The following PPP1R21 variants were observed in gnomAD, a reference collection of about 807,000 sequenced individuals.
PPP1R21 encodes KLRAQ motif containing 1.
A neutral mutation model predicts 112.8 loss-of-function variants in PPP1R21; 85 were observed. The ratio of observed to expected loss-of-function variants is 0.75; its 90% CI spans 0.63 to 0.90. The LOEUF (loss-of-function observed/expected upper bound fraction) is 0.90. Ranked by LOEUF, PPP1R21 falls within the 40% of genes least tolerant of loss-of-function variation. The pLI, the probability that PPP1R21 is intolerant of heterozygous loss-of-function variation, is 0.00. For missense variants in PPP1R21, 1,199 were observed against 901.5 expected (o/e 1.33, Z -4.23); for synonymous variants, 381 against 322.3 (o/e 1.18, Z -1.95).
intron 12 of PPP1R21, chr2:48,479,575 T>C (rs1210471603): frequency 8.0e-6 from 4 of 499,746 alleles, no homozygotes; most frequent in Non-Finnish European, 1.6e-5. Context: ...GTTTTAGCGA[T>C]GTTCAGCAAA....
At chr2:48,445,329 T>C (rs903690796) in intron 1 of PPP1R21, among the ~76,000 whole-genome samples, 1 of 152,230 alleles carries the variant, frequency 6.6e-6, no homozygotes, top group Admixed American at 6.5e-5. Context: ...GTAGCTAGTG[T>C]GTGACTGAGG....
intron 4 of PPP1R21, among the ~76,000 whole-genome samples, chr2:48,458,684 CATGT>C (rs1275605199): frequency 2.7e-5 from 4 of 150,742 alleles, no homozygotes; most frequent in Admixed American, 1.3e-4. Context: ...GGGTATGAAC[CATGT>C]ATGTTTCCTA....
chr2:48,496,257 G>A lies in PPP1R21; in HGVS notation c.1692+486G>A, dbSNP rs75909974. Reference sequence around the variant, plus strand: ...TATATTTGTCCACAGTTGGTGGCTGGTAACTCCCATAGTCCTTGTTACAGT... The same window carrying A: ...TATATTTGTCCACAGTTGGTGGCTGATAACTCCCATAGTCCTTGTTACAGT... On this transcript the variant is annotated intron_variant, in intron 16 of 21. Coordinates refer to ENST00000294952, the MANE Select transcript of PPP1R21 (RefSeq NM_001135629.3). Among the ~76,000 whole-genome samples, 1,149 of 152,168 alleles carry A rather than the reference G, an allele frequency of 7.6e-3. 10 individuals are homozygous for A. Among genetic ancestry groups the A allele is most frequent in the Middle Eastern group, 0.027 (8 of 292 alleles).
At chr2:48,509,785 A>T (rs1161957341) in intron 19 of PPP1R21, among the ~76,000 whole-genome samples, 1 of 152,200 alleles carries the variant, frequency 6.6e-6, no homozygotes, top group Non-Finnish European at 1.5e-5. Context: ...AAAAACATTG[A>T]TCTTAAGTTG....
At chr2:48,504,397 C>T (rs1303786703) in intron 17 of PPP1R21, among the ~76,000 whole-genome samples, 1 of 152,196 alleles carries the variant, frequency 6.6e-6, no homozygotes, top group East Asian at 1.9e-4. Context: ...AATCCCAGCA[C>T]TTTGGGAGGG....
intron 21 of PPP1R21, 60 bp downstream of exon 21, chr2:48,511,528 ATTG>A (rs1558534271): frequency 5.1e-6 from 8 of 1,576,520 alleles, no homozygotes. Flanking sequence ...GAGGTATTTT[ATTG>A]TTATGCATTT....
At position 48,484,012 on chromosome 2, in the gene PPP1R21, A is replaced by C. The variant is rs531131451; in HGVS notation, c.1319-2619A>C. Among the ~76,000 whole-genome samples, 3 of 152,262 alleles carry C rather than the reference A, an allele frequency of 2.0e-5. No homozygotes were observed. The South Asian group carries it at 6.2e-4, about 32-fold the overall frequency. On this transcript the variant is annotated intron_variant, in intron 13 of 21. Transcript: ENST00000294952. ...CTAATGTATTACTCTTTATATAGGA[A>C]TACCTATTCACTGTAAGATTCCTTC...
chr2:48,480,090 C>G (rs1278766666), intron 13 of PPP1R21, 74 bp downstream of exon 13: 3 of 996,874 alleles, frequency 3.0e-6, no homozygotes, highest in Non-Finnish European at 3.2e-6. Flanking sequence ...AAGATTTAAA[C>G]AAACACTGCC....
intron 1 of PPP1R21, among the ~76,000 whole-genome samples, chr2:48,446,572 TATTA>T (rs1667257181): frequency 1.3e-5 from 2 of 152,216 alleles, no homozygotes; most frequent in Non-Finnish European, 1.5e-5. Context: ...ATGTATAATT[TATTA>T]ATTTGATTTG....
chr2:48,494,058 CAA>C (rs70943344), intron 15 of PPP1R21, among the ~76,000 whole-genome samples: 18 of 63,216 alleles, frequency 2.8e-4, no homozygotes, highest in African/African-American at 5.3e-4. Context: ...CTCGTCTCTC[CAA>C]AAAAAAAAAA....
At chr2:48,460,309 C>A (rs978433307) in intron 6 of PPP1R21, among the ~76,000 whole-genome samples, 156 bp downstream of exon 6, 9 of 152,064 alleles carry the variant, frequency 5.9e-5, no homozygotes, top group Admixed American at 2.0e-4. Context: ...ATCTCCGGGG[C>A]CCTAAGCATT....
At chr2:48,481,244 C>T (rs757757481) in intron 13 of PPP1R21, among the ~76,000 whole-genome samples, 1 of 152,234 alleles carries the variant, frequency 6.6e-6, no homozygotes. Flanking sequence ...CTGCCGTGGC[C>T]TCCCAAAGTG....
chr2:48,473,759 T>C (rs543021202), intron 11 of PPP1R21, among the ~76,000 whole-genome samples: 64 of 152,326 alleles, frequency 4.2e-4, no homozygotes, highest in Middle Eastern at 6.8e-3. Context: ...CCTTTTTTTT[T>C]TGCTTGATTA....
chr2:48,502,578 C>T (rs963324655), intron 17 of PPP1R21, among the ~76,000 whole-genome samples: 2 of 151,412 alleles, frequency 1.3e-5, no homozygotes, highest in Non-Finnish European at 2.9e-5. Flanking sequence ...GTGCCCATTT[C>T]AGTGTTAATT....
At position 48,459,793 on chromosome 2, in the gene PPP1R21, G is replaced by T. The variant is rs1667894875; in HGVS notation, c.415G>T (p.Glu139Ter). The T allele has an allele frequency of 2.5e-6, 4 of 1,613,896 alleles. No individual in the cohort carries two copies. Among genetic ancestry groups the T allele is most frequent in the Non-Finnish European group, 3.4e-6 (4 of 1,180,050 alleles). ...ADEQHKHVEA[E>*]LRSRLATLET... Reference sequence around the variant, plus strand: ...TGAGCAGCACAAGCATGTGGAAGCAGAGCTGAGGAGTCGACTGGCCACTCT... The same window carrying T: ...TGAGCAGCACAAGCATGTGGAAGCATAGCTGAGGAGTCGACTGGCCACTCT... Residue 139 changes from glutamate to a stop codon, truncating the protein, a stop_gained, in exon 5 of 22, where the codon GAG becomes TAG. Transcript: ENST00000294952. LOFTEE classifies it high-confidence loss of function.
intron 15 of PPP1R21, among the ~76,000 whole-genome samples, chr2:48,494,231 C>A (rs1356218301): frequency 1.2e-5 from 1 of 82,712 alleles, no homozygotes; most frequent in Non-Finnish European, 2.0e-5. Context: ...CAAAGTGAGA[C>A]CTTGTCTCAA....
intron 13 of PPP1R21, among the ~76,000 whole-genome samples, chr2:48,483,864 T>A (rs934780342): frequency 1.4e-4 from 22 of 152,108 alleles, no homozygotes; most frequent in African/African-American, 5.1e-4. Context: ...TTAAATTTCT[T>A]TTTTATAGAG....
intron 3 of PPP1R21, 22 bp from the exon 4 acceptor site, chr2:48,458,104 C>G (rs1411829130): frequency 2.0e-6 from 3 of 1,499,058 alleles, no homozygotes; most frequent in East Asian, 2.3e-5. Flanking sequence ...GTTATGTGGA[C>G]ATAACTTATT....
At chr2:48,453,031 G>T (rs1429338326) in intron 2 of PPP1R21, among the ~76,000 whole-genome samples, 8 of 149,194 alleles carry the variant, frequency 5.4e-5, no homozygotes, top group African/African-American at 1.7e-4. Context: ...TCGGCTTACT[G>T]CAACCTCTGC....
Sources: gnomAD v4.1 joint callset for allele counts (sites outside exome capture counted in the v4.1 genomes callset) on GRCh38, gnomAD v4.1.1 for gene constraint, MANE v1.5 for transcripts, NCBI Gene and HGNC (gene_info 2026-07-23, HGNC 2026-07-21) for gene names.